The following HS6ST3 variants were observed in gnomAD, a reference collection of about 807,000 sequenced individuals.
HS6ST3 encodes the protein heparan-sulfate 6-O-sulfotransferase 3.
Under a neutral mutation model 36.7 loss-of-function variants are expected in HS6ST3, and 12 were observed. The ratio of observed to expected loss-of-function variants is 0.33; its 90% CI spans 0.21 to 0.53. HS6ST3 has a LOEUF of 0.53. HS6ST3 is among the 20% of genes least tolerant of loss of function. The probability of loss-of-function intolerance (pLI) is 0.95; values close to 1 mark genes in which losing one functional copy is unlikely to be tolerated. For missense variants in HS6ST3, 584 were observed against 640.9 expected (o/e 0.91, Z 0.96); for synonymous variants, 240 against 257.5 (o/e 0.93, Z 0.65).
chr13:96,337,481 A>G (rs11616401), intron 1 of HS6ST3, among the ~76,000 whole-genome samples: 2,182 of 152,170 alleles, frequency 0.014, 26 homozygotes, highest in East Asian at 0.054. Context: ...TTCTATTCCT[A>G]CAGTTGTTTT....
intron 1 of HS6ST3, among the ~76,000 whole-genome samples, chr13:96,505,988 A>C (rs780856560): frequency 1.3e-5 from 2 of 152,146 alleles, no homozygotes; most frequent in Admixed American, 6.6e-5. Flanking sequence ...GAGACGCTGC[A>C]TGAAGAATCG....
chr13:96,167,011 C>G (rs549251565), intron 1 of HS6ST3, among the ~76,000 whole-genome samples: 1 of 152,112 alleles, frequency 6.6e-6, no homozygotes, highest in Non-Finnish European at 1.5e-5. Context: ...TGTAAGTTTC[C>G]TGAGGCCTCA....
intron 1 of HS6ST3, among the ~76,000 whole-genome samples, chr13:96,219,012 C>T (rs1053416181): frequency 3.9e-5 from 6 of 152,242 alleles, no homozygotes; most frequent in Admixed American, 3.9e-4. Context: ...GACAGGGCCG[C>T]ATCTTTTCAC....
chr13:96,318,741 T>C (rs974853261), intron 1 of HS6ST3, among the ~76,000 whole-genome samples: 2 of 152,184 alleles, frequency 1.3e-5, no homozygotes, highest in African/African-American at 4.8e-5. Flanking sequence ...TCGGTTCCAT[T>C]GATCTGTGTG....
chr13:96,262,195 C>T (rs1274254451), intron 1 of HS6ST3, among the ~76,000 whole-genome samples: 1 of 152,014 alleles, frequency 6.6e-6, no homozygotes, highest in African/African-American at 2.4e-5. Flanking sequence ...CTCTCTGACT[C>T]TAAATAAATA....
chr13:96,459,068 C>T (rs368381240), intron 1 of HS6ST3, among the ~76,000 whole-genome samples: 80 of 134,696 alleles, frequency 5.9e-4, no homozygotes, highest in South Asian at 5.1e-3. Context: ...TGTGTCACTA[C>T]TCTCCAGCCT....
At chr13:96,536,872 T>TG (rs917089052) in intron 1 of HS6ST3, among the ~76,000 whole-genome samples, 4 of 152,142 alleles carry the variant, frequency 2.6e-5, no homozygotes, top group South Asian at 4.1e-4. Context: ...CCCACTTTTT[T>TG]GGGGGGGATT....
intron 1 of HS6ST3, among the ~76,000 whole-genome samples, chr13:96,726,427 T>A (rs1000347198): frequency 1.3e-5 from 2 of 152,232 alleles, no homozygotes; most frequent in Non-Finnish European, 2.9e-5. Context: ...AGGACTTATA[T>A]GTCTTTCATA....
intron 1 of HS6ST3, among the ~76,000 whole-genome samples, chr13:96,832,001 T>C (rs1878808137): frequency 1.5e-5 from 2 of 134,142 alleles, no homozygotes. Context: ...GGAGAATACA[T>C]GTTCAACTTT....
chr13:96,306,292 C>T (rs1276210575), intron 1 of HS6ST3, among the ~76,000 whole-genome samples: 2 of 151,626 alleles, frequency 1.3e-5, no homozygotes, highest in East Asian at 1.9e-4. Context: ...TTAGTAGAGA[C>T]GGGGTTTCAC....
chr13:96,829,305 C>CT (rs929644270), intron 1 of HS6ST3, among the ~76,000 whole-genome samples: 14 of 148,118 alleles, frequency 9.5e-5, no homozygotes, highest in African/African-American at 2.0e-4. Flanking sequence ...ACTGCTCCAA[C>CT]TTTTTTTTTT....
intron 1 of HS6ST3, among the ~76,000 whole-genome samples, chr13:96,199,557 A>G (rs1274170810): frequency 6.6e-6 from 1 of 152,232 alleles, no homozygotes; most frequent in African/African-American, 2.4e-5. Flanking sequence ...AGTATTAGCT[A>G]TAAAGAAATG....
intron 1 of HS6ST3, among the ~76,000 whole-genome samples, chr13:96,140,841 G>A (rs1338060295): frequency 1.3e-5 from 2 of 152,104 alleles, no homozygotes; most frequent in African/African-American, 2.4e-5. Flanking sequence ...AGATCATTAC[G>A]TGACAACTTA....
chr13:96,357,311 G>A (rs1406542426), intron 1 of HS6ST3, among the ~76,000 whole-genome samples: 1 of 152,158 alleles, frequency 6.6e-6, no homozygotes, highest in Non-Finnish European at 1.5e-5. Flanking sequence ...GGCGTAAGAG[G>A]CCTAGCTTTC....
intron 1 of HS6ST3, among the ~76,000 whole-genome samples, chr13:96,263,279 T>C (rs1254709143): frequency 6.6e-6 from 1 of 152,200 alleles, no homozygotes; most frequent in Admixed American, 6.5e-5. Flanking sequence ...AGTTTCAATA[T>C]AGTTTTCTAT....
At chr13:96,510,760 T>C (rs1005542847) in intron 1 of HS6ST3, among the ~76,000 whole-genome samples, 3 of 152,156 alleles carry the variant, frequency 2.0e-5, no homozygotes, top group African/African-American at 7.2e-5. Flanking sequence ...TTCCCTAGTG[T>C]CATTCTCCTC....
chr13:96,421,891 A>G (rs951361641), intron 1 of HS6ST3, among the ~76,000 whole-genome samples: 5 of 152,200 alleles, frequency 3.3e-5, no homozygotes, highest in African/African-American at 7.2e-5. Flanking sequence ...TGGCATGTAG[A>G]TAAGTAAATG....
intron 1 of HS6ST3, among the ~76,000 whole-genome samples, chr13:96,352,096 A>C (rs1261621590): frequency 6.6e-6 from 1 of 152,224 alleles, no homozygotes; most frequent in Non-Finnish European, 1.5e-5. Flanking sequence ...TAATATGAGG[A>C]GGTCCATTCT....
intron 1 of HS6ST3, among the ~76,000 whole-genome samples, chr13:96,256,358 G>A (rs781697919): frequency 3.3e-5 from 5 of 152,212 alleles, no homozygotes; most frequent in Admixed American, 1.3e-4. Context: ...AACAGTGTCC[G>A]ATTTATTAAT....
Sources: gnomAD v4.1 joint callset for allele counts (sites outside exome capture counted in the v4.1 genomes callset) on GRCh38, gnomAD v4.1.1 for gene constraint, MANE v1.5 for transcripts, NCBI Gene and HGNC (gene_info 2026-07-23, HGNC 2026-07-21) for gene names.